The following MYO9B variants were observed in gnomAD, a reference collection of about 807,000 sequenced individuals.
MYO9B encodes the protein unconventional myosin-IXb.
MYO9B carries 71 observed loss-of-function variants against 229.5 expected under a neutral mutation model. The observed-to-expected ratio is 0.31, with a 90% confidence interval of 0.26 to 0.38. MYO9B has a LOEUF of 0.38. MYO9B is among the 10% of genes least tolerant of loss of function. The pLI is 1.00. For synonymous variants in MYO9B, 1,185 were observed against 1,235.8 expected, an observed-to-expected ratio of 0.96 and a Z score of 0.86; for missense variants, 2,255 against 2,920.5, an observed-to-expected ratio of 0.77 and a Z score of 5.25.
At chr19:17,202,924 C>T (rs747892854) in intron 29 of MYO9B, 41 bp downstream of exon 29, 9 of 1,583,562 alleles carry the variant, frequency 5.7e-6, no homozygotes, top group Non-Finnish European at 7.7e-6. Context: ...AGCAGGCGAA[C>T]ATTGGCAGGA....
chr19:17,183,690 T>C, intron 15 of MYO9B, 139 bp from the exon 16 acceptor site: 1 of 666,812 alleles, frequency 1.5e-6, no homozygotes, highest in South Asian at 2.0e-5. Context: ...GCGGTGGCCT[T>C]GTTGCACTTG....
intron 1 of MYO9B, among the ~76,000 whole-genome samples, chr19:17,085,666 A>T (rs2057575482): frequency 6.6e-6 from 1 of 151,676 alleles, no homozygotes; most frequent in African/African-American, 2.4e-5. Flanking sequence ...TTTAATAAAA[A>T]AAAAAAAAAA....
intron 11 of MYO9B, among the ~76,000 whole-genome samples, chr19:17,170,663 A>AC: frequency 6.7e-6 from 1 of 149,724 alleles, no homozygotes; most frequent in East Asian, 2.0e-4. Flanking sequence ...AAAAAAAAAA[A>AC]AAAAAAAAAA....
At chr19:17,086,661 C>T (rs775591413) in intron 1 of MYO9B, among the ~76,000 whole-genome samples, 12 of 152,174 alleles carry the variant, frequency 7.9e-5, no homozygotes, top group Non-Finnish European at 1.8e-4. Context: ...GGGCAGATCG[C>T]TTGAGGCCAG....
intron 11 of MYO9B, among the ~76,000 whole-genome samples, chr19:17,168,673 T>TGA (rs2145343048): frequency 6.6e-6 from 1 of 152,346 alleles, no homozygotes; most frequent in African/African-American, 2.4e-5. Context: ...GGGGCATACC[T>TGA]GTGGCCCCAG....
rs1568673956 is a variant in MYO9B at position 17,122,985 on chromosome 19, G to A, written c.840+20428G>A. ...TGGTGCAAGGTGGTGCTACTCAAGAGGTTGAGGTGGGAGGGCCGCAGGACC... is the reference window on the plus strand; with the variant it reads ...TGGTGCAAGGTGGTGCTACTCAAGAAGTTGAGGTGGGAGGGCCGCAGGACC... On this transcript the variant is annotated intron_variant, in intron 2 of 39. Coordinates refer to ENST00000682292, the MANE Select transcript of MYO9B (RefSeq NM_004145.4). 3.3e-5 allele frequency among the ~76,000 whole-genome samples: 5 copies of A among 152,260 alleles called. No individual in the cohort carries two copies. The South Asian group carries it at 1.0e-3, about 32-fold the overall frequency.
intron 10 of MYO9B, among the ~76,000 whole-genome samples, chr19:17,166,876 C>T (rs2072665622): frequency 6.6e-6 from 1 of 152,152 alleles, no homozygotes; most frequent in Non-Finnish European, 1.5e-5. Context: ...GATGTATATG[C>T]ACCACATTTG....
intron 2 of MYO9B, among the ~76,000 whole-genome samples, chr19:17,126,774 C>T (rs2072123322): frequency 1.3e-5 from 2 of 151,346 alleles, no homozygotes; most frequent in South Asian, 4.2e-4. Flanking sequence ...AAGCGATTTC[C>T]TGCCTCAGCC....
At chr19:17,110,382 C>T (rs2057836042) in intron 2 of MYO9B, among the ~76,000 whole-genome samples, 1 of 152,188 alleles carries the variant, frequency 6.6e-6, no homozygotes, top group Admixed American at 6.5e-5. Flanking sequence ...CCAGTGCAGG[C>T]GCCCGTCGAC....
intron 2 of MYO9B, among the ~76,000 whole-genome samples, chr19:17,135,475 C>T (rs1018624957): frequency 6.6e-5 from 10 of 152,118 alleles, no homozygotes; most frequent in African/African-American, 2.4e-4. Context: ...CACCAGCCAC[C>T]CTTGTGCTTT....
rs575191966 is a variant in MYO9B at position 17,114,233 on chromosome 19, T to C, written c.840+11676T>C. ...CTGCCTAAATATTTGTAGATTCTTT[T>C]TTTCTTGGTAACATTGTGCCATTGG... On this transcript the variant is annotated intron_variant, in intron 2 of 39. Transcript: ENST00000682292. Among the ~76,000 whole-genome samples the C allele has an allele frequency of 5.9e-5, 9 of 152,304 alleles. No homozygotes were observed. In the East Asian group the frequency reaches 1.7e-3, roughly 29 times the overall value.
At chr19:17,186,073 C>T in intron 18 of MYO9B, 72 bp downstream of exon 18, 3 of 1,355,980 alleles carry the variant, frequency 2.2e-6, no homozygotes, top group Non-Finnish European at 2.1e-6. Context: ...GTCCCTGCAT[C>T]CAGCCCCAGC....
At chr19:17,179,420 A>ATT (rs747998068) in intron 14 of MYO9B, among the ~76,000 whole-genome samples, 26 of 86,682 alleles carry the variant, frequency 3.0e-4, no homozygotes, top group South Asian at 4.4e-4. Flanking sequence ...GCCCCAACTG[A>ATT]TTTTTTTTTT....
rs1440961444 is a variant in MYO9B at position 17,088,500 on chromosome 19, C to G, written c.-59+12626C>G. On this transcript the variant is annotated intron_variant, in intron 1 of 39. Coordinates refer to ENST00000682292, the MANE Select transcript of MYO9B (RefSeq NM_004145.4). ...TTCTTGGCCCTGCTGGCTCCCCCAGCTGCTCCCCGAGGAGTTTCCCATCCC... is the reference window on the plus strand; with the variant it reads ...TTCTTGGCCCTGCTGGCTCCCCCAGGTGCTCCCCGAGGAGTTTCCCATCCC... 3.9e-5 allele frequency among the ~76,000 whole-genome samples: 6 copies of G among 152,316 alleles called. No homozygotes were observed. In the South Asian group the frequency reaches 1.0e-3, roughly 26 times the overall value.
At position 17,192,868 on chromosome 19, in the gene MYO9B, G is replaced by C. The variant is rs1322119476; in HGVS notation, c.2934G>C (p.Gln978His). 4 of 1,550,684 alleles carry C rather than the reference G, an allele frequency of 2.6e-6. No individual in the cohort carries two copies. The African/African-American group carries it at 5.5e-5, about 21-fold the overall frequency. Residue 978 changes from glutamine (Q) to histidine (H), a missense_variant, in exon 21 of 40, where the codon CAG (glutamine) becomes CAC (histidine). Around this residue, in one of 7 missense-constraint regions of MYO9B, gnomAD observed 679 missense variants for 770.2 expected, o/e 0.88. Coordinates refer to ENST00000682292, the MANE Select transcript of MYO9B (RefSeq NM_004145.4). ...RMVLERRHFL[Q>H]MKRAAVTIQA... ...TGCTGGAGCGTCGGCACTTCCTGCA[G>C]ATGAAGCGGGCCGCCGTCACCATCC...
At chr19:17,127,159 A>T (rs997352432) in intron 2 of MYO9B, among the ~76,000 whole-genome samples, 19 of 120,328 alleles carry the variant, frequency 1.6e-4, no homozygotes, top group Non-Finnish European at 3.0e-4. Context: ...CTACAGGTGC[A>T]CACCACCACG....
intron 14 of MYO9B, 45 bp from the exon 15 acceptor site, chr19:17,180,882 T>TC: frequency 1.5e-6 from 2 of 1,378,158 alleles, no homozygotes; most frequent in South Asian, 1.2e-5. Flanking sequence ...TGCTTCTAAC[T>TC]CCATCTTCTT....
chr19:17,190,188 G>GT (rs931940426), intron 19 of MYO9B, among the ~76,000 whole-genome samples: 2 of 151,870 alleles, frequency 1.3e-5, no homozygotes, highest in Non-Finnish European at 2.9e-5. Flanking sequence ...CATTTCTTTG[G>GT]TTTTTTGTGT....
rs1190576844 is a variant in MYO9B at position 17,212,738 on chromosome 19, A to G, written c.*428A>G. The G allele has an allele frequency of 6.2e-6, 1 of 161,112 alleles. No homozygotes were observed. The highest frequency in any genetic ancestry group is 1.3e-5 in the Non-Finnish European group (1 of 74,120). The allele number at this position is 161,112 out of a possible 1,614,324, so 10.0% of individuals were successfully genotyped here. On this transcript the variant is annotated 3_prime_UTR_variant, in exon 40 of 40. Transcript: ENST00000682292. This position sits in a 1 kb window ranked among gnomAD's most constrained non-coding sequence, Gnocchi z 5.4. The stretch of plus-strand genomic sequence containing the variant: ...TAACCTGGACGTGAGCTGTCAGAGC[A>G]GAAGCCACTAGGCCACTGCGCGTCT...
Sources: gnomAD v4.1 joint callset for allele counts (sites outside exome capture counted in the v4.1 genomes callset) on GRCh38, gnomAD v4.1.1 for gene constraint, gnomAD v4.1.1 regional missense constraint, Gnocchi (gnomAD v3.1) non-coding constraint, MANE v1.5 for transcripts, NCBI Gene and HGNC (gene_info 2026-07-23, HGNC 2026-07-21) for gene names.